Variants in SMC5 observed in about 807,000 individuals in gnomAD.
SMC5 encodes structural maintenance of chromosomes 5, also known as structural maintenance of chromosomes protein 5.
SMC5 carries 88 observed loss-of-function variants against 148.3 expected under a neutral mutation model. The observed-to-expected ratio is 0.59, with a 90% CI of 0.50 to 0.71. The LOEUF is 0.71. Among genes scored for constraint, SMC5 ranks in the 30% least tolerant of loss-of-function variants. The pLI is 0.00. For synonymous variants in SMC5, 421 were observed against 432.8 expected (o/e 0.97, Z 0.34); for missense variants, 1,142 against 1,298.9 (o/e 0.88, Z 1.86).
chr9:70,329,690 T>G (rs139687562), intron 17 of SMC5, among the ~76,000 whole-genome samples: 1 of 152,218 alleles, frequency 6.6e-6, no homozygotes, highest in Non-Finnish European at 1.5e-5. Flanking sequence ...CCTCTGCTTA[T>G]TACCCAGTTC....
At chr9:70,309,317 C>CATTTTTT (rs1564050219) in intron 11 of SMC5, among the ~76,000 whole-genome samples, 1 of 47,318 alleles carries the variant, frequency 2.1e-5, no homozygotes. Flanking sequence ...TTTTCCTTTT[C>CATTTTTT]CTTTTTTTTT....
chr9:70,307,945 ACATCTTGAGTG>A (rs1174929995), intron 11 of SMC5, among the ~76,000 whole-genome samples: 1 of 152,164 alleles, frequency 6.6e-6, no homozygotes, highest in Non-Finnish European at 1.5e-5. Flanking sequence ...TGTTACAGGC[ACATCTTGAGTG>A]TATCTTTTTG....
chr9:70,328,379 C>T (rs1334100271), intron 17 of SMC5, among the ~76,000 whole-genome samples: 1 of 152,192 alleles, frequency 6.6e-6, no homozygotes, highest in Non-Finnish European at 1.5e-5. Context: ...GGGGCGCAGG[C>T]ATTGGGTAAA....
chr9:70,261,818 A>G (rs2034145317), intron 1 of SMC5, among the ~76,000 whole-genome samples: 1 of 152,232 alleles, frequency 6.6e-6, no homozygotes, highest in African/African-American at 2.4e-5. Flanking sequence ...TAAGATGAAA[A>G]CAGTGGGAGA....
At chr9:70,308,491 A>T (rs926636379) in intron 11 of SMC5, among the ~76,000 whole-genome samples, 8 of 145,588 alleles carry the variant, frequency 5.5e-5, no homozygotes, top group Non-Finnish European at 1.0e-4. Context: ...CTACTTGGAG[A>T]GGCTGAGGCA....
At chr9:70,344,351 C>A in intron 18 of SMC5, 82 bp downstream of exon 18, 1 of 1,090,062 alleles carries the variant, frequency 9.2e-7, no homozygotes, top group Non-Finnish European at 1.2e-6. Context: ...TGTAACAGGC[C>A]GTGAAAAACA....
At chr9:70,277,084 T>G (rs998889792) in intron 3 of SMC5, among the ~76,000 whole-genome samples, 1 of 152,156 alleles carries the variant, frequency 6.6e-6, no homozygotes, top group African/African-American at 2.4e-5. Context: ...TTTTAACAGT[T>G]TAAATAATTT....
intron 1 of SMC5, among the ~76,000 whole-genome samples, chr9:70,261,551 G>A (rs2034135402): frequency 6.6e-6 from 1 of 152,210 alleles, no homozygotes; most frequent in Non-Finnish European, 1.5e-5. Flanking sequence ...GTGACTTAAA[G>A]TTTCCTTTGT....
intron 22 of SMC5, among the ~76,000 whole-genome samples, chr9:70,348,404 A>C (rs2036723172): frequency 6.6e-6 from 1 of 152,096 alleles, no homozygotes; most frequent in African/African-American, 2.4e-5. Flanking sequence ...GAATTTAAGA[A>C]TTCATGGTCA....
intron 17 of SMC5, among the ~76,000 whole-genome samples, chr9:70,338,650 T>C (rs2036429704): frequency 6.6e-6 from 1 of 152,226 alleles, no homozygotes; most frequent in African/African-American, 2.4e-5. Context: ...TTTTTTACCT[T>C]GGTTGGCTAT....
At chr9:70,325,481 A>G (rs2036054333) in intron 17 of SMC5, among the ~76,000 whole-genome samples, 1 of 152,198 alleles carries the variant, frequency 6.6e-6, no homozygotes, top group Non-Finnish European at 1.5e-5. Context: ...TTAGAGATCA[A>G]TTTGAGAGCA....
chr9:70,265,632 A>G (rs1176382544), intron 2 of SMC5, among the ~76,000 whole-genome samples: 5 of 152,228 alleles, frequency 3.3e-5, no homozygotes, highest in African/African-American at 1.2e-4. Flanking sequence ...AAGCATATCT[A>G]AAATAAAGTG....
chr9:70,266,616 T>C (rs1487230137), intron 2 of SMC5, among the ~76,000 whole-genome samples: 1 of 152,184 alleles, frequency 6.6e-6, no homozygotes, highest in African/African-American at 2.4e-5. Context: ...TAAGGGAGGC[T>C]GTGGAGTGCA....
At chr9:70,325,012 A>T (rs963348382) in intron 17 of SMC5, among the ~76,000 whole-genome samples, 1 of 152,042 alleles carries the variant, frequency 6.6e-6, no homozygotes, top group African/African-American at 2.4e-5. Context: ...CGGGTTTCTT[A>T]TTGGGGTTTC....
rs1310388556 is a variant in SMC5 at position 70,314,814 on chromosome 9, T to C, written c.1651T>C (p.Ser551Pro). The C allele has an allele frequency of 1.9e-6, 3 of 1,562,004 alleles. No homozygotes were observed. The highest frequency in any genetic ancestry group is 2.6e-6 in the Non-Finnish European group (3 of 1,151,782). The change falls in exon 12 of 25, where the codon TCA (serine) becomes CCA (proline). Residue 551 changes from serine (S) to proline (P), a missense_variant. Around this residue, in one of 5 missense-constraint regions of SMC5, gnomAD observed 743 missense variants for 835.7 expected, o/e 0.89. Coordinates refer to ENST00000361138, the MANE Select transcript of SMC5 (RefSeq NM_015110.4). ...GAGTTCATATGCAGACAAAGCACCT[T>C]CAAGATCTTTGAATGAACTTAAGTA... is the stretch of plus-strand genomic sequence containing the variant. Reference protein sequence around the residue: ...PKSSYADKAPSRSLNELKQYG... With the variant: ...PKSSYADKAPPRSLNELKQYG...
intron 17 of SMC5, among the ~76,000 whole-genome samples, chr9:70,325,961 G>T (rs1231445363): frequency 7.2e-5 from 11 of 152,062 alleles, no homozygotes; most frequent in Middle Eastern, 3.4e-3. Context: ...ATACCAAAAA[G>T]ATACACAAAG....
At chr9:70,325,381 A>G (rs113101456) in intron 17 of SMC5, among the ~76,000 whole-genome samples, 1,818 of 152,326 alleles carry the variant, frequency 0.012, 27 homozygotes, top group African/African-American at 0.041. Flanking sequence ...CAAGACTAGC[A>G]TGGTATCAGC....
chr9:70,277,022 C>A (rs1180113), intron 3 of SMC5, among the ~76,000 whole-genome samples: 1 of 152,070 alleles, frequency 6.6e-6, no homozygotes, highest in African/African-American at 2.4e-5. Context: ...ACAACTCCAG[C>A]TATGTGACTC....
intron 2 of SMC5, among the ~76,000 whole-genome samples, chr9:70,266,828 A>G (rs1346204874): frequency 2.0e-5 from 3 of 152,236 alleles, no homozygotes; most frequent in African/African-American, 7.2e-5. Context: ...ATTGGTACCA[A>G]GTCTTTTAAT....
Sources: gnomAD v4.1 joint callset for allele counts (sites outside exome capture counted in the v4.1 genomes callset) on GRCh38, gnomAD v4.1.1 for gene constraint, gnomAD v4.1.1 regional missense constraint, MANE v1.5 for transcripts, NCBI Gene and HGNC (gene_info 2026-07-23, HGNC 2026-07-21) for gene names.